DNM3: variants seen among roughly 807,000 people sequenced by gnomAD.
DNM3 encodes the protein dynamin-3.
In DNM3, 47 loss-of-function variants were observed where a neutral mutation model predicts 101.6. The observed-to-expected ratio is 0.46, with a 90% CI of 0.37 to 0.59. DNM3 has a LOEUF of 0.59. DNM3 is among the 20% of genes least tolerant of loss of function. The pLI, the probability that DNM3 is intolerant of heterozygous loss-of-function variation, is 0.00. For synonymous variants in DNM3, 385 were observed against 387.9 expected (o/e 0.99, Z 0.09); for missense variants, 849 against 1,085.7 (o/e 0.78, Z 3.06).
At chr1:172,214,740 C>T (rs1470227039) in intron 14 of DNM3, among the ~76,000 whole-genome samples, 1 of 151,600 alleles carries the variant, frequency 6.6e-6, no homozygotes, top group African/African-American at 2.4e-5. Context: ...ATAGAAAGAT[C>T]GCTGAAAAAA....
At position 172,328,685 on chromosome 1, in the gene DNM3, G is replaced by T. The variant is rs187020662; in HGVS notation, c.1893+5345G>T. On this transcript the variant is annotated intron_variant, in intron 17 of 20. Coordinates refer to ENST00000627582, the MANE Select transcript of DNM3 (RefSeq NM_015569.5). ...GCGAGGATCAAAAAATTTCCTATCA[G>T]GTACTATGGTTATTACCTGGGTGAT... is the stretch of plus-strand genomic sequence containing the variant. 2.1e-3 allele frequency among the ~76,000 whole-genome samples: 323 copies of T among 152,126 alleles called. 1 individual carries two copies. Among genetic ancestry groups the T allele is most frequent in the African/African-American group, 7.5e-3 (312 of 41,512 alleles).
intron 1 of DNM3, among the ~76,000 whole-genome samples, chr1:171,842,528 G>C (rs943569753): frequency 1.3e-5 from 2 of 152,196 alleles, no homozygotes; most frequent in Non-Finnish European, 2.9e-5. Flanking sequence ...TTGTGAGAGA[G>C]CCCGAGGCAC....
chr1:171,935,769 C>CTTTTTTTTTT (rs551030808), intron 2 of DNM3, among the ~76,000 whole-genome samples: 4 of 47,990 alleles, frequency 8.3e-5, no homozygotes, highest in Admixed American at 3.4e-4. Context: ...CAAATCAAAA[C>CTTTTTTTTTT]TTTTTTTTTT....
At chr1:172,270,984 T>C (rs1029602538) in intron 15 of DNM3, among the ~76,000 whole-genome samples, 2 of 152,170 alleles carry the variant, frequency 1.3e-5, no homozygotes, top group Non-Finnish European at 2.9e-5. Context: ...TGTGTTATAC[T>C]ACCAGATATT....
chr1:172,032,796 T>G (rs2048708463), intron 5 of DNM3, among the ~76,000 whole-genome samples: 1 of 152,074 alleles, frequency 6.6e-6, no homozygotes, highest in Non-Finnish European at 1.5e-5. Context: ...TACATAAACT[T>G]ATACTATTGT....
At chr1:172,387,501 T>TA (rs1247483113) in intron 19 of DNM3, 142 bp downstream of exon 19, 23 of 694,276 alleles carry the variant, frequency 3.3e-5, no homozygotes, top group East Asian at 5.9e-5. Flanking sequence ...ACTAAAAACA[T>TA]AAAAAAAATT....
chr1:172,172,449 C>T (rs541057337), intron 14 of DNM3, among the ~76,000 whole-genome samples: 23 of 151,648 alleles, frequency 1.5e-4, no homozygotes, highest in African/African-American at 5.6e-4. Flanking sequence ...ATTCATATCC[C>T]AGGTGGGATG....
At chr1:171,957,645 C>T (rs1365690350) in intron 2 of DNM3, among the ~76,000 whole-genome samples, 1 of 152,134 alleles carries the variant, frequency 6.6e-6, no homozygotes, top group East Asian at 1.9e-4. Flanking sequence ...GCCAGGTACC[C>T]TAAATCATCT....
chr1:172,265,833 A>AG (rs2062838163), intron 15 of DNM3, among the ~76,000 whole-genome samples: 1 of 152,170 alleles, frequency 6.6e-6, no homozygotes, highest in Non-Finnish European at 1.5e-5. Flanking sequence ...GTTTCTGTCC[A>AG]GGGGGTTGTA....
chr1:172,007,473 A>G (rs2046774197), intron 4 of DNM3, among the ~76,000 whole-genome samples: 1 of 152,136 alleles, frequency 6.6e-6, no homozygotes, highest in Admixed American at 6.6e-5. Context: ...TGCCTATTTT[A>G]AATTGAGTTG....
chr1:171,925,420 TG>T (rs2040491824), intron 2 of DNM3, among the ~76,000 whole-genome samples: 1 of 151,658 alleles, frequency 6.6e-6, no homozygotes, highest in Non-Finnish European at 1.5e-5. Context: ...TTAGTAGAGA[TG>T]GGGTTTCATC....
intron 17 of DNM3, among the ~76,000 whole-genome samples, chr1:172,371,960 A>C (rs1333324019): frequency 2.0e-5 from 3 of 146,746 alleles, no homozygotes; most frequent in Admixed American, 1.4e-4. Context: ...ACATGTGCAC[A>C]TTGTGCAGGT....
intron 1 of DNM3, among the ~76,000 whole-genome samples, chr1:171,905,007 G>A (rs1032982201): frequency 2.0e-5 from 3 of 152,196 alleles, no homozygotes; most frequent in Admixed American, 6.5e-5. Flanking sequence ...CAAGGGGTGA[G>A]AGAAGAGCTC....
At chr1:171,922,659 A>G (rs923431868) in intron 2 of DNM3, among the ~76,000 whole-genome samples, 5 of 152,214 alleles carry the variant, frequency 3.3e-5, no homozygotes, top group African/African-American at 4.8e-5. Flanking sequence ...GATCACTCCC[A>G]AAAGAAAGCC....
chr1:172,409,429 A>T lies in DNM3; in HGVS notation c.*1588A>T. On this transcript the variant is annotated 3_prime_UTR_variant, in exon 21 of 21. Coordinates refer to ENST00000627582, the MANE Select transcript of DNM3 (RefSeq NM_015569.5). ...AACTTGCCATGTTGAGTGCCATTGT[A>T]TTGAACTTATTCTAAAGGCTTATGC... The T allele has an allele frequency of 1.0e-6, 1 of 984,482 alleles. No individual in the cohort carries two copies. Among genetic ancestry groups the T allele is most frequent in the Non-Finnish European group, 1.2e-6 (1 of 829,070 alleles). The allele number at this position is 984,482 out of a possible 1,614,324, so 61.0% of individuals were successfully genotyped here.
intron 15 of DNM3, chr1:172,289,799 A>T (rs1451233175): frequency 1.0e-6 from 1 of 984,990 alleles, no homozygotes; most frequent in African/African-American, 1.7e-5. Context: ...TTACTATTTG[A>T]CAAAAATTTG....
chr1:172,076,321 T>A (rs2052644043), intron 11 of DNM3, among the ~76,000 whole-genome samples: 1 of 152,238 alleles, frequency 6.6e-6, no homozygotes, highest in Non-Finnish European at 1.5e-5. Flanking sequence ...TTCTCTTGCC[T>A]GATTGCCCTG....
chr1:172,164,409 G>A (rs182131640), intron 14 of DNM3, among the ~76,000 whole-genome samples: 1 of 151,786 alleles, frequency 6.6e-6, no homozygotes, highest in Admixed American at 6.6e-5. Context: ...TATGGTTGCT[G>A]AGGATGCAAT....
At chr1:172,149,875 T>C (rs2058063891) in intron 14 of DNM3, among the ~76,000 whole-genome samples, 2 of 152,112 alleles carry the variant, frequency 1.3e-5, no homozygotes, top group East Asian at 3.9e-4. Flanking sequence ...TGGGGATACA[T>C]GTTAAGCATA....
Sources: gnomAD v4.1 joint callset for allele counts (sites outside exome capture counted in the v4.1 genomes callset) on GRCh38, gnomAD v4.1.1 for gene constraint, MANE v1.5 for transcripts, NCBI Gene and HGNC (gene_info 2026-07-23, HGNC 2026-07-21) for gene names.